PCDH7: variants seen among roughly 807,000 people sequenced by gnomAD.
The protein encoded by PCDH7 is protocadherin-7.
A neutral mutation model predicts 58.9 loss-of-function variants in PCDH7; 17 were observed. The ratio of observed to expected loss-of-function variants is 0.29; its 90% confidence interval spans 0.20 to 0.43. PCDH7 has a LOEUF of 0.43. Ranked by LOEUF, PCDH7 falls within the 20% of genes least tolerant of loss-of-function variation. PCDH7 has a pLI of 1.00. For missense variants in PCDH7, 1,274 were observed against 1,441.0 expected (o/e 0.88, Z 1.88); for synonymous variants, 664 against 616.4 (o/e 1.08, Z -1.14).
At chr4:30,787,590 A>G (rs1723580129) in intron 1 of PCDH7, among the ~76,000 whole-genome samples, 1 of 152,118 alleles carries the variant, frequency 6.6e-6, no homozygotes, top group African/African-American at 2.4e-5. Context: ...CATTATATCA[A>G]TAAGAAACTG....
intron 1 of PCDH7, among the ~76,000 whole-genome samples, chr4:30,885,569 G>A (rs1456074251): frequency 6.6e-6 from 1 of 152,024 alleles, no homozygotes; most frequent in East Asian, 1.9e-4. Context: ...GCTCTGCAAT[G>A]CCATCCCCAT....
chr4:30,820,420 C>T (rs1728237751), intron 1 of PCDH7, among the ~76,000 whole-genome samples: 1 of 152,094 alleles, frequency 6.6e-6, no homozygotes, highest in African/African-American at 2.4e-5. Context: ...AGTTTGACCA[C>T]TGTGAAGAGT....
At chr4:31,005,878 CA>C (rs1482847547) in intron 3 of PCDH7, among the ~76,000 whole-genome samples, 4 of 152,172 alleles carry the variant, frequency 2.6e-5, no homozygotes, top group African/African-American at 4.8e-5. Flanking sequence ...GGTGCTGATA[CA>C]GAGTAGTGGT....
Position 30,763,303 on chromosome 4 carries a change from T to C in PCDH7, c.70+38707T>C, listed in dbSNP as rs578018161. 1.4e-4 allele frequency among the ~76,000 whole-genome samples: 22 copies of C among 152,368 alleles called. No individual in the cohort carries two copies. In the East Asian group the frequency reaches 3.7e-3, roughly 25 times the overall value. On this transcript the variant is annotated intron_variant, in intron 1 of 3. Coordinates refer to the PCDH7 transcript ENST00000509759. ...AATCTTTATTTTCTAATTCTGACTG[T>C]ATATTGATTAGTCAATGAGTAAGAT... is the stretch of plus-strand genomic sequence containing the variant.
chr4:30,831,458 T>C (rs1191446911), intron 1 of PCDH7, among the ~76,000 whole-genome samples: 2 of 152,118 alleles, frequency 1.3e-5, no homozygotes, highest in African/African-American at 2.4e-5. Context: ...TAAACTGTAT[T>C]AGATAACATT....
chr4:31,124,684 T>C (rs888517534), intron 3 of PCDH7, among the ~76,000 whole-genome samples: 45 of 152,344 alleles, frequency 3.0e-4, no homozygotes, highest in Admixed American at 9.2e-4. Flanking sequence ...ATCCAATTAC[T>C]TGATTAATGT....
At chr4:30,948,656 T>C (rs1034718301) in intron 2 of PCDH7, among the ~76,000 whole-genome samples, 2 of 152,142 alleles carry the variant, frequency 1.3e-5, no homozygotes, top group Non-Finnish European at 2.9e-5. Flanking sequence ...TAAAATTAAG[T>C]TTGCTACTTT....
intron 3 of PCDH7, among the ~76,000 whole-genome samples, chr4:31,054,290 A>G (rs993823554): frequency 9.2e-5 from 14 of 152,162 alleles, no homozygotes; most frequent in African/African-American, 3.4e-4. Flanking sequence ...TGATCCCACA[A>G]TCCAATCAGC....
At chr4:30,731,036 C>G in exon 2 of PCDH7, 2 of 1,200,122 alleles carry the variant, frequency 1.7e-6, no homozygotes, top group Non-Finnish European at 2.1e-6. Flanking sequence ...ACCAGAAATT[C>G]CATTCTTAAA....
At chr4:31,108,781 T>C (rs1244819599) in intron 3 of PCDH7, among the ~76,000 whole-genome samples, 2 of 152,166 alleles carry the variant, frequency 1.3e-5, no homozygotes, top group African/African-American at 2.4e-5. Context: ...GCATTAGTCA[T>C]ATAAGAAGAA....
chr4:30,841,844 C>A (rs1731254663), intron 1 of PCDH7, among the ~76,000 whole-genome samples: 1 of 152,034 alleles, frequency 6.6e-6, no homozygotes, highest in South Asian at 2.1e-4. Context: ...GATGTTACCA[C>A]CCTAAAAACT....
At chr4:31,043,342 T>G (rs867320216) in intron 3 of PCDH7, among the ~76,000 whole-genome samples, 3 of 152,118 alleles carry the variant, frequency 2.0e-5, no homozygotes, top group Non-Finnish European at 4.4e-5. Flanking sequence ...TGCCTCTAGG[T>G]CTCTGAGGAA....
In PCDH7 at chr4:30,984,134, G is replaced by A. The variant is rs148162640; in HGVS notation, c.*7+33919G>A. Reference sequence around the variant, plus strand: ...CAAACATACTAATTAATAAAAATATGTAAAACAGAAAAAATTCCCTTGCTA... The same window carrying A: ...CAAACATACTAATTAATAAAAATATATAAAACAGAAAAAATTCCCTTGCTA... On this transcript the variant is annotated intron_variant, in intron 3 of 3. Transcript: ENST00000509759. 9.5e-3 allele frequency among the ~76,000 whole-genome samples: 1,448 copies of A among 152,212 alleles called. 15 individuals carry two copies. Among genetic ancestry groups the A allele is most frequent in the Non-Finnish European group, 0.014 (941 of 67,996 alleles).
At chr4:31,113,783 T>A (rs1716633815) in intron 3 of PCDH7, among the ~76,000 whole-genome samples, 1 of 151,986 alleles carries the variant, frequency 6.6e-6, no homozygotes, top group Non-Finnish European at 1.5e-5. Flanking sequence ...ACTTTTAATG[T>A]TAACATTTAA....
At chr4:30,993,001 G>T (rs1324901358) in intron 3 of PCDH7, among the ~76,000 whole-genome samples, 1 of 151,938 alleles carries the variant, frequency 6.6e-6, no homozygotes, top group Non-Finnish European at 1.5e-5. Context: ...GTTTCATCAG[G>T]TTGGCCAGGC....
intron 3 of PCDH7, among the ~76,000 whole-genome samples, chr4:30,977,114 C>G (rs772443305): frequency 2.0e-5 from 3 of 152,028 alleles, no homozygotes; most frequent in African/African-American, 2.4e-5. Flanking sequence ...TTTGTCATAT[C>G]GTTCTTTAAA....
chr4:30,743,175 T>C (rs1230731877), intron 1 of PCDH7, among the ~76,000 whole-genome samples: 2 of 152,150 alleles, frequency 1.3e-5, no homozygotes, highest in African/African-American at 4.8e-5. Context: ...GCTAAGTATT[T>C]TCCTAAGGAA....
intron 3 of PCDH7, among the ~76,000 whole-genome samples, chr4:31,087,631 C>CA (rs1317058158): frequency 6.6e-6 from 1 of 151,988 alleles, no homozygotes; most frequent in Non-Finnish European, 1.5e-5. Flanking sequence ...ATAGTGGATA[C>CA]ACAGCTGTTA....
intron 3 of PCDH7, among the ~76,000 whole-genome samples, chr4:30,959,383 C>T (rs894029717): frequency 3.3e-5 from 5 of 151,676 alleles, no homozygotes; most frequent in Non-Finnish European, 7.4e-5. Flanking sequence ...CTCATAAAGT[C>T]CAAATATCAG....
Sources: allele counts gnomAD v4.1 joint callset (sites outside exome capture counted in the v4.1 genomes callset), GRCh38; gene constraint gnomAD v4.1.1; transcripts MANE v1.5; gene names NCBI Gene and HGNC (gene_info 2026-07-23, HGNC 2026-07-21).